Variants in GCC1 observed in about 807,000 individuals in gnomAD.
GCC1 encodes GRIP and coiled-coil domain-containing protein 1.
GCC1 carries 36 observed loss-of-function variants against 62.5 expected under a neutral mutation model. The ratio of observed to expected loss-of-function variants is 0.58; its 90% CI spans 0.44 to 0.76. The LOEUF (loss-of-function observed/expected upper bound fraction) is 0.76. Ranked by LOEUF, GCC1 falls within the 30% of genes least tolerant of loss-of-function variation. GCC1 has a pLI of 0.00. For synonymous variants in GCC1, 391 were observed against 386.8 expected (o/e 1.01, Z -0.13); for missense variants, 885 against 948.3 (o/e 0.93, Z 0.88).
rs1794126373 is a variant in GCC1, at chr7:127,580,927, A to T, written c.*1087T>A. 1.3e-5 allele frequency: 2 copies of T among 152,200 alleles called. No homozygotes were observed. Among genetic ancestry groups the T allele is most frequent in the Non-Finnish European group, 2.9e-5 (2 of 68,040 alleles). The allele number at this position is 152,200 out of a possible 1,614,324, so 9.4% of individuals were successfully genotyped here. On this transcript the variant is annotated 3_prime_UTR_variant, in exon 2 of 2. Coordinates refer to ENST00000321407, the MANE Select transcript of GCC1 (RefSeq NM_024523.6). ...AGTTTTCTGAGAACCCCCTTTCCAG[A>T]CTGCCTGAATAAGTTGCCTTTTCTT...
chr7:127,584,525 C>T lies in GCC1; in HGVS notation c.658G>A (p.Glu220Lys). The T allele has an allele frequency of 1.2e-6, 2 of 1,614,020 alleles. No individual in the cohort carries two copies. The highest frequency in any genetic ancestry group is 1.7e-6 in the Non-Finnish European group (2 of 1,180,008). The change falls in exon 1 of 2, where the codon GAG becomes AAG. Residue 220 changes from glutamate to lysine, a missense_variant. Glu to Lys is a moderately conservative substitution (Grantham distance 56). Coordinates refer to ENST00000321407, the MANE Select transcript of GCC1 (RefSeq NM_024523.6). The part of the protein sequence containing the change: ...RLEGELKGLQ[E>K]QIAETKARLI... ...CGGGCTTTGGTTTCTGCTATTTGCTCCTGCAGCCCCTTCAATTCTCCCTCC... is the reference window on the plus strand; with the variant it reads ...CGGGCTTTGGTTTCTGCTATTTGCTTCTGCAGCCCCTTCAATTCTCCCTCC...
rs1476331533 is a variant in GCC1, at chr7:127,584,651, C to T, written c.532G>A (p.Glu178Lys). 2 of 1,614,206 alleles carry T rather than the reference C, an allele frequency of 1.2e-6. No homozygotes were observed. ...TAAGAAGCCTCCATGCGGGACTTCTCCTGAGTGACTGTAGCCAAAGAACTG... is the reference window on the plus strand; with the variant it reads ...TAAGAAGCCTCCATGCGGGACTTCTTCTGAGTGACTGTAGCCAAAGAACTG... ...LTSSLATVTQ[E>K]KSRMEASYLA... The change falls in exon 1 of 2, where the codon GAG becomes AAG. Residue 178 changes from glutamate to lysine, a missense_variant. Coordinates refer to ENST00000321407, the MANE Select transcript of GCC1 (RefSeq NM_024523.6).
Position 127,582,874 on chromosome 7 carries a change from C to T in GCC1, c.1468G>A (p.Glu490Lys). 2 of 1,614,206 alleles carry T rather than the reference C, an allele frequency of 1.2e-6. No homozygotes were observed. Among genetic ancestry groups the T allele is most frequent in the Non-Finnish European group, 8.5e-7 (1 of 1,180,040 alleles). Residue 490 changes from glutamate to lysine, a missense_variant, in exon 2 of 2, where the codon GAA (glutamate) becomes AAA (lysine). Transcript: ENST00000321407. This position sits in a 1 kb window ranked among gnomAD's most constrained non-coding sequence, Gnocchi z 4.8. ...YYQQELKQLK[E>K]EFERYKMRAQ... ...CTCATCTTGTACCTCTCAAACTCTT[C>T]CTTCAGCTGTTTCAGCTCCTGTTGG... is the stretch of plus-strand genomic sequence containing the variant.
chr7:127,583,106 G>A lies in GCC1; in HGVS notation c.1236C>T (p.Ala412=). The stretch of plus-strand genomic sequence containing the variant: ...GGCTGTCTAAAGGGGACCTGCTGGA[G>A]GCTGCTAGAGCCAGTGTCTTGTTCT... The part of the protein sequence containing the change: ...DLENKTLALA[A]SSRSPLDSHG... The change falls in exon 2 of 2, where the codon GCC becomes GCT. Residue 412 remains alanine (A), a synonymous_variant. Coordinates refer to ENST00000321407, the MANE Select transcript of GCC1 (RefSeq NM_024523.6). The A allele has an allele frequency of 6.2e-7, 1 of 1,614,100 alleles. No individual in the cohort carries two copies. The highest frequency in any genetic ancestry group is 8.5e-7 in the Non-Finnish European group (1 of 1,180,038).
At chr7:127,584,056 A>T in intron 1 of GCC1, 95 bp downstream of exon 1, 1 of 1,093,696 alleles carries the variant, frequency 9.1e-7, no homozygotes, top group Non-Finnish European at 1.3e-6. Context: ...ATGACAGTAT[A>T]GACACTTAGC....
rs766662313 is a variant in GCC1 at position 127,584,382 on chromosome 7, C to T, written c.801G>A (p.Arg267=). Residue 267 remains arginine, a synonymous_variant, in exon 1 of 2, where the codon AGG becomes AGA. Transcript: ENST00000321407. Reference sequence around the variant, plus strand: ...CCAAGGCTTCTCGGGTCTCTTCTAACCTAAGCTCCAAGTCCTGGCGCTGGG... The same window carrying T: ...CCAAGGCTTCTCGGGTCTCTTCTAATCTAAGCTCCAAGTCCTGGCGCTGGG... ...ERTQRQDLEL[R]LEETREALAG... 1 of 1,614,040 alleles carries T rather than the reference C, an allele frequency of 6.2e-7. No homozygotes were observed. Among genetic ancestry groups the T allele is most frequent in the Non-Finnish European group, 8.5e-7 (1 of 1,180,022 alleles).
At chr7:127,583,378 G>A in intron 1 of GCC1, 69 bp from the exon 2 acceptor site, 9 of 1,274,216 alleles carry the variant, frequency 7.1e-6, no homozygotes, top group Non-Finnish European at 9.8e-6. Context: ...GAAAGCAGGA[G>A]AGGGGAGCAA....
rs764900383 is a variant in GCC1, at chr7:127,584,685, A to C, written c.498T>G (p.Ala166=). 6.2e-7 allele frequency: 1 copy of C among 1,614,202 alleles called. No homozygotes were observed. The highest frequency in any genetic ancestry group is 1.1e-5 in the South Asian group (1 of 91,072). The stretch of plus-strand genomic sequence containing the variant: ...CTGTAGCCAAAGAACTGGTCAAAGT[A>C]GCCAACTGAGTCTTCAGCTGGTGCA... ...KRLHQLKTQL[A]TLTSSLATVT... is the part of the protein sequence containing the mutation. The change falls in exon 1 of 2, where the codon GCT becomes GCG. Residue 166 remains alanine (A), a synonymous_variant. Transcript: ENST00000321407.
rs1253823026 is a variant in GCC1, at chr7:127,584,793, G to C, written c.390C>G (p.Ser130=). Reference sequence around the variant, plus strand: ...CACTCTCGGACCAACTGGCCTCTTCGGACTTTGGAGGTGGTGGTCCACGGG... The same window carrying C: ...CACTCTCGGACCAACTGGCCTCTTCCGACTTTGGAGGTGGTGGTCCACGGG... ...RPARGPPPPK[S]EEASWSESGV... is the part of the protein sequence containing the mutation. Residue 130 remains serine (S), a synonymous_variant, in exon 1 of 2, where the codon TCC becomes TCG. Transcript: ENST00000321407. 6 of 1,614,132 alleles carry C rather than the reference G, an allele frequency of 3.7e-6. No homozygotes were observed. The South Asian group carries it at 4.4e-5, about 12-fold the overall frequency.
intron 1 of GCC1, 74 bp from the exon 2 acceptor site, chr7:127,583,383 G>T: frequency 8.5e-7 from 1 of 1,180,982 alleles, no homozygotes. Context: ...CAGGAGAGGG[G>T]AGCAAAAGGG....
intron 1 of GCC1, 115 bp from the exon 2 acceptor site, chr7:127,583,424 C>T (rs1794163061): frequency 5.1e-6 from 4 of 778,138 alleles, no homozygotes; most frequent in Non-Finnish European, 8.3e-6. Context: ...GGCAAGAATG[C>T]TAACTAGGGA....
chr7:127,583,211 T>C lies in GCC1; in HGVS notation c.1131A>G (p.Leu377=), dbSNP rs747377479. Residue 377 remains leucine (L), a synonymous_variant, in exon 2 of 2, where the codon CTA becomes CTG. Transcript: ENST00000321407. ...ENQISEVSEL[L]GTYEKAKQKD... ...TCTGCTTGGCTTTCTCGTAGGTGCC[T>C]AGCAGCTCAGACACCTCGGATATTT... is the stretch of plus-strand genomic sequence containing the variant. The C allele has an allele frequency of 9.9e-6, 16 of 1,613,758 alleles. No individual in the cohort carries two copies. Among genetic ancestry groups the C allele is most frequent in the African/African-American group, 1.3e-5 (1 of 74,880 alleles).
Position 127,582,856 on chromosome 7 carries a change from T to G in GCC1, c.1486A>C (p.Lys496Gln). ...TTGAGGACAACCTGGGCTCTCATCT[T>G]GTACCTCTCAAACTCTTCCTTCAGC... ...KQLKEEFERY[K>Q]MRAQVVLKSK... The change falls in exon 2 of 2, where the codon AAG becomes CAG. Residue 496 changes from lysine (K) to glutamine (Q), a missense_variant. Lys to Gln is a moderately conservative substitution (Grantham distance 53). Transcript: ENST00000321407. This position sits in a 1 kb window ranked among gnomAD's most constrained non-coding sequence, Gnocchi z 4.8. 6.2e-7 allele frequency: 1 copy of G among 1,614,196 alleles called. No individual in the cohort carries two copies. The highest frequency in any genetic ancestry group is 1.6e-4 in the Middle Eastern group (1 of 6,062).
Position 127,582,208 on chromosome 7 carries a change from C to T in GCC1, c.2134G>A (p.Asp712Asn), listed in dbSNP as rs1429562382. The T allele has an allele frequency of 1.9e-6, 3 of 1,614,152 alleles. No homozygotes were observed. The East Asian group carries it at 6.7e-5, about 36-fold the overall frequency. ...LQSHIEKNIR[D>N]QSREGANLEY... Reference sequence around the variant, plus strand: ...AGATTGGCTCCCTCCCTGCTCTGGTCCCTGATGTTCTTTTCGATGTGGCTC... The same window carrying T: ...AGATTGGCTCCCTCCCTGCTCTGGTTCCTGATGTTCTTTTCGATGTGGCTC... Residue 712 changes from aspartate to asparagine, a missense_variant, in exon 2 of 2, where the codon GAC becomes AAC. Coordinates refer to ENST00000321407, the MANE Select transcript of GCC1 (RefSeq NM_024523.6). This position sits in a 1 kb window ranked among gnomAD's most constrained non-coding sequence, Gnocchi z 4.8.
intron 1 of GCC1, among the ~76,000 whole-genome samples, chr7:127,583,884 A>G (rs1003152787): frequency 6.6e-6 from 1 of 152,186 alleles, no homozygotes; most frequent in African/African-American, 2.4e-5. Flanking sequence ...TGCTTCATAG[A>G]GCACAGCTGG....
rs1479271606 is a variant in GCC1 at position 127,585,188 on chromosome 7, G to A, written c.-6C>T. The A allele has an allele frequency of 1.3e-6, 2 of 1,576,936 alleles. No individual in the cohort carries two copies. The highest frequency in any genetic ancestry group is 2.2e-5 in the East Asian group (1 of 44,532). On this transcript the variant is annotated 5_prime_UTR_variant, in exon 1 of 2. Coordinates refer to ENST00000321407, the MANE Select transcript of GCC1 (RefSeq NM_024523.6). ...TTCATCCCAAACTTCTCCATGGAGGGTCTGAACGGATTGCCCCACGTCAGC... is the reference window on the plus strand; with the variant it reads ...TTCATCCCAAACTTCTCCATGGAGGATCTGAACGGATTGCCCCACGTCAGC...
rs1206501495 is a variant in GCC1 at position 127,582,565 on chromosome 7, G to C, written c.1777C>G (p.Leu593Val). The C allele has an allele frequency of 1.2e-5, 19 of 1,611,564 alleles. No individual in the cohort carries two copies. The highest frequency in any genetic ancestry group is 1.6e-5 in the Non-Finnish European group (19 of 1,180,010). ...EELHKQRDRA[L>V]AVLTEKDLEL... is the part of the protein sequence containing the mutation. Reference sequence around the variant, plus strand: ...AAGTCCTTCTCGGTGAGCACAGCTAGGGCACGATCCCGCTGCTTGTGCAGC... The same window carrying C: ...AAGTCCTTCTCGGTGAGCACAGCTACGGCACGATCCCGCTGCTTGTGCAGC... The change falls in exon 2 of 2, where the codon CTA (leucine) becomes GTA (valine). Residue 593 changes from leucine (L) to valine (V), a missense_variant. Physicochemically the swap from Leu to Val is conservative, Grantham distance 32 (BLOSUM62 1). Coordinates refer to ENST00000321407, the MANE Select transcript of GCC1 (RefSeq NM_024523.6). The surrounding 1 kb of genome is among the most constrained non-coding windows in gnomAD (Gnocchi z 4.8).
chr7:127,584,296 G>A lies in GCC1; in HGVS notation c.887C>T (p.Thr296Ile), dbSNP rs1296763169. ...EGFELQTKQLTREVEELKSEL... is the reference protein window; with the variant it reads ...EGFELQTKQLIREVEELKSEL... ...ACTTTTCAGCTCCTCCACCTCACGG[G>A]TCAGCTGCTTGGTCTGCAGTTCAAA... Residue 296 changes from threonine to isoleucine, a missense_variant, in exon 1 of 2, where the codon ACC (threonine) becomes ATC (isoleucine). Transcript: ENST00000321407. The A allele has an allele frequency of 6.2e-7, 1 of 1,613,426 alleles. No homozygotes were observed. The highest frequency in any genetic ancestry group is 1.3e-5 in the African/African-American group (1 of 74,674).
rs1238114394 is a variant in GCC1, at chr7:127,585,060, G to C, written c.123C>G (p.Ala41=). ...CTTTCTCCTTCAGCAGGCTTTTATA[G>C]GCACGGACCACATCCTTGAGCCGTG... The part of the protein sequence containing the change: ...YQARLKDVVR[A]YKSLLKEKEA... Residue 41 remains alanine (A), a synonymous_variant, in exon 1 of 2, where the codon GCC becomes GCG. Transcript: ENST00000321407. The C allele has an allele frequency of 6.2e-7, 1 of 1,614,184 alleles. No homozygotes were observed. Among genetic ancestry groups the C allele is most frequent in the South Asian group, 1.1e-5 (1 of 91,084 alleles).
Sources: allele counts gnomAD v4.1 joint callset (sites outside exome capture counted in the v4.1 genomes callset), GRCh38; gene constraint gnomAD v4.1.1; non-coding constraint Gnocchi (gnomAD v3.1); transcripts MANE v1.5; gene names NCBI Gene and HGNC (gene_info 2026-07-23, HGNC 2026-07-21).